The following GLIS3 variants were observed in gnomAD, a reference collection of about 807,000 sequenced individuals.
The protein encoded by GLIS3 is GLIS family zinc finger 3.
A neutral mutation model predicts 78.6 loss-of-function variants in GLIS3; 53 were observed. The observed-to-expected ratio is 0.67, with a 90% CI of 0.54 to 0.85. GLIS3 has a LOEUF of 0.85. Among genes scored for constraint, GLIS3 ranks in the 40% least tolerant of loss-of-function variants. GLIS3 has a pLI of 0.00. For missense variants in GLIS3, 1,703 were observed against 1,231.1 expected (o/e 1.38, Z -5.74); for synonymous variants, 684 against 509.9 (o/e 1.34, Z -4.60).
At chr9:4,437,317 A>T in the GLIS3 span, among the ~76,000 whole-genome samples, 5 of 152,320 alleles carry the variant, frequency 3.3e-5, no homozygotes, top group South Asian at 1.0e-3. Flanking sequence ...CAGCAGCTTT[A>T]ACCATCAAAA....
the GLIS3 span, among the ~76,000 whole-genome samples, chr9:4,401,191 A>G: frequency 3.3e-5 from 5 of 152,288 alleles, no homozygotes; most frequent in East Asian, 1.9e-4. Context: ...ACTTCCCTCA[A>G]TGGTGAGTCC....
At chr9:4,175,839 C>T (rs1207772659) in intron 2 of GLIS3, among the ~76,000 whole-genome samples, 1 of 152,038 alleles carries the variant, frequency 6.6e-6, no homozygotes, top group Non-Finnish European at 1.5e-5. Flanking sequence ...GTTCGGTAAC[C>T]CCATAAAAGA....
chr9:4,110,863 A>G (rs544130952), intron 4 of GLIS3, among the ~76,000 whole-genome samples: 4 of 152,376 alleles, frequency 2.6e-5, no homozygotes, highest in African/African-American at 9.6e-5. Flanking sequence ...CATTTCTGAA[A>G]GATCAAAGAG....
intron 4 of GLIS3, among the ~76,000 whole-genome samples, chr9:3,954,116 GA>G (rs1816927021): frequency 6.6e-6 from 1 of 152,078 alleles, no homozygotes; most frequent in South Asian, 2.1e-4. Context: ...ATTTCTGTGG[GA>G]TCTTATATTC....
intron 6 of GLIS3, among the ~76,000 whole-genome samples, chr9:3,926,230 T>TTCG (rs1279075866): frequency 8.5e-6 from 1 of 117,984 alleles, no homozygotes. Context: ...TGCTTTTTCT[T>TTCG]TTGTTTTTTT....
At chr9:4,272,266 CT>C (rs1244060755) in intron 2 of GLIS3, among the ~76,000 whole-genome samples, 4 of 152,190 alleles carry the variant, frequency 2.6e-5, no homozygotes, top group African/African-American at 9.7e-5. Context: ...CTTCAGCTTG[CT>C]GTTCTTTTCA....
chr9:4,265,988 G>A (rs937621266), intron 2 of GLIS3, among the ~76,000 whole-genome samples: 8 of 150,672 alleles, frequency 5.3e-5, no homozygotes, highest in East Asian at 2.0e-4. Context: ...ACATGATCTC[G>A]GCTCACTGCA....
intron 2 of GLIS3, among the ~76,000 whole-genome samples, chr9:4,258,214 G>C (rs904426579): frequency 2.6e-5 from 4 of 152,196 alleles, no homozygotes; most frequent in East Asian, 1.9e-4. Context: ...TTTAAATAAA[G>C]AGGTACTAGA....
intron 4 of GLIS3, among the ~76,000 whole-genome samples, chr9:4,091,079 G>A (rs1049095361): frequency 6.6e-6 from 1 of 152,194 alleles, no homozygotes. Context: ...TTGAGGCTGG[G>A]CATGGTGGCT....
intron 9 of GLIS3, among the ~76,000 whole-genome samples, chr9:3,839,455 G>T (rs748606211): frequency 2.1e-4 from 32 of 152,120 alleles, no homozygotes; most frequent in South Asian, 8.3e-4. Flanking sequence ...TCAGAATTCT[G>T]TCATAAGGAA....
chr9:4,474,752 A>C, the GLIS3 span, among the ~76,000 whole-genome samples: 1 of 143,578 alleles, frequency 7.0e-6, no homozygotes, highest in Non-Finnish European at 1.5e-5. Context: ...GCTGGAGTGC[A>C]GTGGCATGAA....
the GLIS3 span, among the ~76,000 whole-genome samples, chr9:4,471,255 C>T: frequency 6.6e-6 from 1 of 152,290 alleles, no homozygotes; most frequent in South Asian, 2.1e-4. Context: ...GAAAAAACTA[C>T]TTTAAAGTTC....
At chr9:4,246,479 A>G (rs1823814796) in intron 2 of GLIS3, among the ~76,000 whole-genome samples, 1 of 152,188 alleles carries the variant, frequency 6.6e-6, no homozygotes, top group Admixed American at 6.5e-5. Flanking sequence ...TACGGCTACC[A>G]TTTCCATGCA....
rs552439818 is a variant in GLIS3 at position 3,854,407 on chromosome 9, G to A, written c.2473+1602C>T. 4.3e-3 allele frequency among the ~76,000 whole-genome samples: 648 copies of A among 152,334 alleles called. 2 individuals are homozygous for A. Among genetic ancestry groups the A allele is most frequent in the Non-Finnish European group, 6.4e-3 (437 of 68,036 alleles). On this transcript the variant is annotated intron_variant, in intron 9 of 10. Coordinates refer to ENST00000381971, the MANE Select transcript of GLIS3 (RefSeq NM_001042413.2). ...TGAGGGTTTGTGTGGCTACACTGGGGAAGTGGGGAGATGAGATGGACGGAA... is the reference window on the plus strand; with the variant it reads ...TGAGGGTTTGTGTGGCTACACTGGGAAAGTGGGGAGATGAGATGGACGGAA...
the GLIS3 span, among the ~76,000 whole-genome samples, chr9:4,451,563 A>T: frequency 6.6e-6 from 1 of 152,162 alleles, no homozygotes; most frequent in Admixed American, 6.5e-5. Context: ...TCAGCACTAC[A>T]TCGCACTTAC....
At chr9:3,912,273 T>C (rs1276392576) in intron 6 of GLIS3, among the ~76,000 whole-genome samples, 1 of 152,184 alleles carries the variant, frequency 6.6e-6, no homozygotes, top group Non-Finnish European at 1.5e-5. Context: ...CTCTTGCTTA[T>C]TAGCCTCAGA....
At chr9:4,406,746 G>A in the GLIS3 span, among the ~76,000 whole-genome samples, 1 of 152,044 alleles carries the variant, frequency 6.6e-6, no homozygotes, top group African/African-American at 2.4e-5. Flanking sequence ...CCAAATACGT[G>A]AAAGATCTCT....
At chr9:4,163,873 T>C (rs1182154054) in intron 2 of GLIS3, among the ~76,000 whole-genome samples, 2 of 152,192 alleles carry the variant, frequency 1.3e-5, no homozygotes, top group African/African-American at 2.4e-5. Flanking sequence ...TAACAACATA[T>C]AATGAAAAGG....
At chr9:3,951,484 A>G (rs927944179) in intron 4 of GLIS3, among the ~76,000 whole-genome samples, 1 of 152,106 alleles carries the variant, frequency 6.6e-6, no homozygotes, top group Non-Finnish European at 1.5e-5. Context: ...CAAGAGTAGT[A>G]TTTAGTTAAA....
Sources: allele counts gnomAD v4.1 joint callset (sites outside exome capture counted in the v4.1 genomes callset), GRCh38; gene constraint gnomAD v4.1.1; transcripts MANE v1.5; gene names NCBI Gene and HGNC (gene_info 2026-07-23, HGNC 2026-07-21).